MALRD1: variants seen among roughly 807,000 people sequenced by gnomAD.
The protein encoded by MALRD1 is MAM and LDL-receptor class A domain-containing protein 1.
In MALRD1, 247 loss-of-function variants were observed where a neutral mutation model predicts 242.1. The observed-to-expected ratio is 1.02, with a 90% confidence interval of 0.92 to 1.13. MALRD1 has a LOEUF of 1.13. MALRD1 is among the 50% of genes most tolerant of loss of function. The pLI is 0.00. For synonymous variants in MALRD1, 995 were observed against 866.6 expected, an observed-to-expected ratio of 1.15 and a Z score of -2.60; for missense variants, 2,989 against 2,533.1, an observed-to-expected ratio of 1.18 and a Z score of -3.86.
chr10:19,263,148 A>G lies in MALRD1; in HGVS notation c.3079+5377A>G, dbSNP rs140011910. ...GAAATAGTGATTTTATTGCCCCTGGATATACACCCAGAACTGGGATTGCTG... is the reference window on the plus strand; with the variant it reads ...GAAATAGTGATTTTATTGCCCCTGGGTATACACCCAGAACTGGGATTGCTG... On this transcript the variant is annotated intron_variant, in intron 19 of 39. Coordinates refer to ENST00000454679, the MANE Select transcript of MALRD1 (RefSeq NM_001142308.3). Among the ~76,000 whole-genome samples, 333 of 152,264 alleles carry G rather than the reference A, an allele frequency of 2.2e-3. 3 individuals carry two copies. The highest frequency in any genetic ancestry group is 9.5e-3 in the Admixed American group (145 of 15,294).
At chr10:19,267,463 T>A (rs1840017591) in intron 19 of MALRD1, among the ~76,000 whole-genome samples, 1 of 152,046 alleles carries the variant, frequency 6.6e-6, no homozygotes, top group African/African-American at 2.4e-5. Context: ...CTGGGTTGAT[T>A]ACATTTTTGG....
chr10:19,368,907 G>T (rs1484050583), intron 26 of MALRD1, among the ~76,000 whole-genome samples: 8 of 149,302 alleles, frequency 5.4e-5, no homozygotes, highest in Non-Finnish European at 7.4e-5. Flanking sequence ...GTGTGTGTGT[G>T]TGTGTGTGTG....
At chr10:19,371,080 T>C in intron 26 of MALRD1, among the ~76,000 whole-genome samples, 1 of 133,324 alleles carries the variant, frequency 7.5e-6, no homozygotes, top group Non-Finnish European at 1.6e-5. Flanking sequence ...TGAGGCCCTC[T>C]CTCTACGAAA....
At chr10:19,322,632 C>A (rs1457801447) in intron 21 of MALRD1, among the ~76,000 whole-genome samples, 2 of 152,118 alleles carry the variant, frequency 1.3e-5, no homozygotes, top group Admixed American at 1.3e-4. Context: ...TGAGGCCAAA[C>A]CCTGCTGTGT....
At chr10:19,699,074 G>A (rs1409500990) in intron 38 of MALRD1, among the ~76,000 whole-genome samples, 1 of 152,054 alleles carries the variant, frequency 6.6e-6, no homozygotes. Context: ...AGAGCATTAG[G>A]ACAAATACCT....
intron 26 of MALRD1, among the ~76,000 whole-genome samples, chr10:19,376,937 A>G (rs542438350): frequency 6.6e-6 from 1 of 152,260 alleles, no homozygotes; most frequent in South Asian, 2.1e-4. Context: ...ATTGGGAAAA[A>G]CTATACAGGA....
intron 19 of MALRD1, among the ~76,000 whole-genome samples, chr10:19,278,328 G>A (rs940256497): frequency 2.0e-5 from 3 of 151,992 alleles, no homozygotes; most frequent in Non-Finnish European, 2.9e-5. Context: ...AGCTTGCCAC[G>A]GCATCTTATT....
Position 19,695,989 on chromosome 10 carries a change from A to T in MALRD1, c.6314+3435A>T, listed in dbSNP as rs1488420564. On this transcript the variant is annotated intron_variant, in intron 38 of 39. Coordinates refer to ENST00000454679, the MANE Select transcript of MALRD1 (RefSeq NM_001142308.3). ...TTCCGCCAAGTCACTCCAATGACACATGAGAATTATTACAATTTAAGGTGA... is the reference window on the plus strand; with the variant it reads ...TTCCGCCAAGTCACTCCAATGACACTTGAGAATTATTACAATTTAAGGTGA... 2.0e-5 allele frequency among the ~76,000 whole-genome samples: 3 copies of T among 152,180 alleles called. No individual in the cohort carries two copies. In the East Asian group the frequency reaches 5.8e-4, roughly 29 times the overall value.
At chr10:19,559,585 G>C (rs955433275) in intron 32 of MALRD1, among the ~76,000 whole-genome samples, 28 of 152,064 alleles carry the variant, frequency 1.8e-4, no homozygotes, top group African/African-American at 6.5e-4. Flanking sequence ...CCTGGTCAAA[G>C]ACTTCATGAC....
At chr10:19,604,639 G>A (rs937580320) in intron 34 of MALRD1, among the ~76,000 whole-genome samples, 1 of 152,142 alleles carries the variant, frequency 6.6e-6, no homozygotes, top group African/African-American at 2.4e-5. Flanking sequence ...CTGAACAACG[G>A]ATTTTCAGTG....
At chr10:19,620,973 A>T (rs938648311) in intron 36 of MALRD1, among the ~76,000 whole-genome samples, 1 of 151,432 alleles carries the variant, frequency 6.6e-6, no homozygotes, top group East Asian at 1.9e-4. Flanking sequence ...ATTTCTCTCC[A>T]GTTTATAGGA....
chr10:19,260,091 C>A (rs996313578), intron 19 of MALRD1, among the ~76,000 whole-genome samples: 2 of 152,088 alleles, frequency 1.3e-5, no homozygotes, highest in African/African-American at 2.4e-5. Flanking sequence ...TATATACTCT[C>A]GTTATATATT....
At chr10:19,568,133 G>T (rs1173869037) in intron 33 of MALRD1, among the ~76,000 whole-genome samples, 2 of 151,938 alleles carry the variant, frequency 1.3e-5, no homozygotes, top group African/African-American at 2.4e-5. Context: ...AAGCTAGAAT[G>T]CTCATTCTAT....
intron 18 of MALRD1, among the ~76,000 whole-genome samples, chr10:19,253,551 T>G (rs1839385119): frequency 1.3e-5 from 2 of 151,932 alleles, no homozygotes; most frequent in Admixed American, 1.3e-4. Flanking sequence ...AGTCCTGCAC[T>G]GGAAACAAAG....
At chr10:19,049,251 G>A in intron 1 of MALRD1, 114 bp downstream of exon 1, 1 of 707,378 alleles carries the variant, frequency 1.4e-6, no homozygotes, top group Non-Finnish European at 2.0e-6. Context: ...ATTGTATCTT[G>A]TATACCTTTA....
At chr10:19,518,607 T>A (rs994669106) in intron 31 of MALRD1, among the ~76,000 whole-genome samples, 6 of 152,194 alleles carry the variant, frequency 3.9e-5, no homozygotes, top group African/African-American at 1.4e-4. Context: ...CAGATCTCTA[T>A]TTCCAAATTT....
intron 21 of MALRD1, among the ~76,000 whole-genome samples, chr10:19,319,336 T>C (rs1211222076): frequency 6.6e-6 from 1 of 152,098 alleles, no homozygotes; most frequent in Non-Finnish European, 1.5e-5. Context: ...GGTTCATTTT[T>C]CCCCTCATGG....
At chr10:19,586,179 C>G (rs1317184582) in intron 33 of MALRD1, among the ~76,000 whole-genome samples, 1 of 152,076 alleles carries the variant, frequency 6.6e-6, no homozygotes, top group African/African-American at 2.4e-5. Flanking sequence ...GAATGTCCTC[C>G]CATAGCTCGG....
intron 31 of MALRD1, among the ~76,000 whole-genome samples, chr10:19,524,148 T>A (rs183534369): frequency 4.6e-5 from 7 of 152,290 alleles, no homozygotes; most frequent in African/African-American, 1.7e-4. Flanking sequence ...ACTTTTTCTC[T>A]CGCTGGCCAT....
Sources: gnomAD v4.1 joint callset for allele counts (sites outside exome capture counted in the v4.1 genomes callset) on GRCh38, gnomAD v4.1.1 for gene constraint, MANE v1.5 for transcripts, NCBI Gene and HGNC (gene_info 2026-07-23, HGNC 2026-07-21) for gene names.